Variants in ZZEF1 observed in about 807,000 individuals in gnomAD.
ZZEF1 encodes zinc finger ZZ-type and EF-hand domain-containing protein 1.
Under a neutral mutation model 342.8 loss-of-function variants are expected in ZZEF1, and 157 were observed. The observed-to-expected ratio is 0.46, with a 90% CI of 0.40 to 0.52. The LOEUF (loss-of-function observed/expected upper bound fraction) is 0.52, where lower values mean the gene tolerates loss of function less well. ZZEF1 is among the 20% of genes least tolerant of loss of function. The pLI is 0.00. For missense variants in ZZEF1, 3,480 were observed against 3,725.6 expected, an observed-to-expected ratio of 0.93 and a Z score of 1.72; for synonymous variants, 1,505 against 1,429.1, an observed-to-expected ratio of 1.05 and a Z score of -1.20.
In ZZEF1 at chr17:4,044,232, C is replaced by G; in HGVS notation, c.6158G>C (p.Gly2053Ala). The change falls in exon 38 of 55, where the codon GGA (glycine) becomes GCA (alanine). Residue 2053 changes from glycine (G) to alanine (A), a missense_variant. This residue lies in a region of ZZEF1 where 1,269 missense variants were observed against 1,342.4 expected (regional missense o/e 0.95). Coordinates refer to ENST00000381638, the MANE Select transcript of ZZEF1 (RefSeq NM_015113.4). ...DSPADASPPTGLPDAEDSEVS... is the reference protein window; with the variant it reads ...DSPADASPPTALPDAEDSEVS... ...GGTCAAATAGTCTTTACCTGGAAGT[C>G]CTGTAGGTGGGCTAGCATCTGCAGG... 2 of 1,613,796 alleles carry G rather than the reference C, an allele frequency of 1.2e-6. No homozygotes were observed. The highest frequency in any genetic ancestry group is 8.5e-7 in the Non-Finnish European group (1 of 1,179,892).
intron 26 of ZZEF1, 145 bp from the exon 27 acceptor site, chr17:4,067,387 G>C: frequency 2.0e-6 from 1 of 495,888 alleles, no homozygotes; most frequent in South Asian, 4.6e-5. Context: ...GAGACTCAGG[G>C]AAAAAAATAT....
At chr17:4,047,885 G>A (rs1195019330) in intron 37 of ZZEF1, among the ~76,000 whole-genome samples, 2 of 150,426 alleles carry the variant, frequency 1.3e-5, no homozygotes, top group Admixed American at 6.7e-5. Flanking sequence ...AGGTTGCAGT[G>A]AGCCAAGATC....
intron 17 of ZZEF1, 70 bp downstream of exon 17, chr17:4,082,367 G>A (rs990718043): frequency 2.0e-6 from 3 of 1,499,724 alleles, no homozygotes; most frequent in Non-Finnish European, 2.8e-6. Flanking sequence ...ATGAAAGGAA[G>A]GGCAAGCTCA....
intron 21 of ZZEF1, 140 bp downstream of exon 21, chr17:4,076,497 C>A: frequency 8.8e-7 from 1 of 1,134,492 alleles, no homozygotes; most frequent in Non-Finnish European, 1.2e-6. Context: ...CCCTTGTTGG[C>A]AAGCCCACTG....
At chr17:4,060,584 A>AAC (rs2057264900) in intron 30 of ZZEF1, among the ~76,000 whole-genome samples, 4 of 133,718 alleles carry the variant, frequency 3.0e-5, no homozygotes, top group East Asian at 4.3e-4. Flanking sequence ...ACAACAACAA[A>AAC]AAACAAACAA....
chr17:4,081,566 C>A (rs996463391), intron 17 of ZZEF1, 76 bp from the exon 18 acceptor site: 13 of 1,265,806 alleles, frequency 1.0e-5, no homozygotes, highest in Admixed American at 2.0e-5. Context: ...GATTCCAAAA[C>A]AGAGCGCAGA....
rs753625434 is a variant in ZZEF1 at position 4,102,402 on chromosome 17, C to A, written c.1587G>T (p.Gln529His). The part of the protein sequence containing the change: ...NLLLKYGKPL[Q>H]LTLQACDVKG... ...TGACATCACATGCCTGAAGAGTCAA[C>A]TGGAGAGGTTTACCTGACCAAAGAA... Residue 529 changes from glutamine (Q) to histidine (H), a missense_variant, in exon 9 of 55, where the codon CAG (glutamine) becomes CAT (histidine). Gln to His is a conservative substitution (Grantham distance 24, BLOSUM62 0). This residue lies in a region of ZZEF1 where 1,528 missense variants were observed against 1,624.1 expected (regional missense o/e 0.94). Coordinates refer to ENST00000381638, the MANE Select transcript of ZZEF1 (RefSeq NM_015113.4). 4 of 1,613,502 alleles carry A rather than the reference C, an allele frequency of 2.5e-6. No individual in the cohort carries two copies. Among genetic ancestry groups the A allele is most frequent in the African/African-American group, 2.7e-5 (2 of 74,880 alleles).
intron 24 of ZZEF1, among the ~76,000 whole-genome samples, chr17:4,073,119 T>C (rs1424424056): frequency 6.6e-6 from 1 of 152,216 alleles, no homozygotes; most frequent in African/African-American, 2.4e-5. Flanking sequence ...CTTAATTCTG[T>C]AGCAAATAAT....
Position 4,050,879 on chromosome 17 carries a change from T to C in ZZEF1, c.5765A>G (p.Glu1922Gly), listed in dbSNP as rs766776937. Residue 1922 changes from glutamate (E) to glycine (G), a missense_variant, in exon 36 of 55, where the codon GAG (glutamate) becomes GGG (glycine). Physicochemically the swap from Glu to Gly is moderately conservative, Grantham distance 98. This residue lies in a region of ZZEF1 where 1,269 missense variants were observed against 1,342.4 expected (regional missense o/e 0.95). Coordinates refer to ENST00000381638, the MANE Select transcript of ZZEF1 (RefSeq NM_015113.4). Reference sequence around the variant, plus strand: ...GCTGCGCGTCTGGGGGTCCAGCTTCTCCCCATCCACATCCTCTGCACTGGC... The same window carrying C: ...GCTGCGCGTCTGGGGGTCCAGCTTCCCCCCATCCACATCCTCTGCACTGGC... ...HLASAEDVDGEKLDPQTRSSA... is the reference protein window; with the variant it reads ...HLASAEDVDGGKLDPQTRSSA... 1 of 1,614,126 alleles carries C rather than the reference T, an allele frequency of 6.2e-7. No individual in the cohort carries two copies. Among genetic ancestry groups the C allele is most frequent in the Admixed American group, 1.7e-5 (1 of 60,006 alleles).
At chr17:4,122,230 C>T (rs1277041604) in intron 2 of ZZEF1, among the ~76,000 whole-genome samples, 1 of 152,088 alleles carries the variant, frequency 6.6e-6, no homozygotes, top group Non-Finnish European at 1.5e-5. Context: ...TAAACCAAGA[C>T]CGAAAGGAAA....
At chr17:4,050,250 C>T (rs557872088) in intron 36 of ZZEF1, among the ~76,000 whole-genome samples, 3 of 152,242 alleles carry the variant, frequency 2.0e-5, no homozygotes, top group Non-Finnish European at 4.4e-5. Flanking sequence ...CTATCTCATA[C>T]AGGCCTGGTT....
At chr17:4,063,004 T>C in intron 29 of ZZEF1, 87 bp from the exon 30 acceptor site, 1 of 1,359,658 alleles carries the variant, frequency 7.4e-7, no homozygotes, top group Non-Finnish European at 9.9e-7. Context: ...CCTGATGCCA[T>C]ATATCAAAGA....
Position 4,014,071 on chromosome 17 carries a change from C to T in ZZEF1, c.8413+19G>A. The T allele has an allele frequency of 1.2e-6, 2 of 1,612,812 alleles. No homozygotes were observed. The highest frequency in any genetic ancestry group is 1.7e-6 in the Non-Finnish European group (2 of 1,178,974). On this transcript the variant is annotated intron_variant, in intron 51 of 54. Coordinates refer to ENST00000381638, the MANE Select transcript of ZZEF1 (RefSeq NM_015113.4). The surrounding 1 kb of genome is among the most constrained non-coding windows in gnomAD (Gnocchi z 4.4). Reference sequence around the variant, plus strand: ...CCCTGGCAGGCAGATGGTGTGAACGCAAAGCCCAGAGCACACACCTGTCTG... The same window carrying T: ...CCCTGGCAGGCAGATGGTGTGAACGTAAAGCCCAGAGCACACACCTGTCTG...
At chr17:4,115,625 T>C (rs2058381926) in intron 3 of ZZEF1, among the ~76,000 whole-genome samples, 1 of 151,754 alleles carries the variant, frequency 6.6e-6, no homozygotes, top group Non-Finnish European at 1.5e-5. Flanking sequence ...ATCACACCAC[T>C]GCACACCAGC....
At chr17:4,051,667 C>T (rs1036226415) in intron 35 of ZZEF1, among the ~76,000 whole-genome samples, 1 of 151,346 alleles carries the variant, frequency 6.6e-6, no homozygotes, top group South Asian at 2.1e-4. Context: ...GAGTTCGCCT[C>T]GGCCTCTGAA....
chr17:4,022,944 T>G (rs1258675866), intron 43 of ZZEF1, 116 bp from the exon 44 acceptor site: 1 of 1,373,188 alleles, frequency 7.3e-7, no homozygotes, highest in East Asian at 2.4e-5. Flanking sequence ...CAACACATAC[T>G]TTTGAATGAA....
chr17:4,051,092 G>C (rs762002324), intron 35 of ZZEF1, 49 bp from the exon 36 acceptor site: 1 of 1,613,562 alleles, frequency 6.2e-7, no homozygotes, highest in African/African-American at 1.3e-5. Flanking sequence ...AAAAGCTTTT[G>C]TGGCTCCAAA....
rs759744967 is a variant in ZZEF1 at position 4,032,835 on chromosome 17, A to G, written c.6752T>C (p.Phe2251Ser). The change falls in exon 41 of 55, where the codon TTC becomes TCC. Residue 2251 changes from phenylalanine to serine, a missense_variant. Physicochemically the swap from Phe to Ser is radical, Grantham distance 155 (BLOSUM62 -2). Coordinates refer to ENST00000381638, the MANE Select transcript of ZZEF1 (RefSeq NM_015113.4). ...GCCTTCAGAGTGTGGTACCTGGGGG[A>G]AGCCAACCAGCACGAGCAGGGTGAA... is the stretch of plus-strand genomic sequence containing the variant. Reference protein sequence around the residue: ...NIFTLLVLVGFPQVLCVGTRC... With the variant: ...NIFTLLVLVGSPQVLCVGTRC... 5.1e-5 allele frequency: 82 copies of G among 1,613,898 alleles called. No individual in the cohort carries two copies. Among genetic ancestry groups the G allele is most frequent in the Admixed American group, 1.7e-4 (10 of 60,008 alleles).
Position 4,034,107 on chromosome 17 carries a change from G to T in ZZEF1, c.6492C>A (p.His2164Gln), listed in dbSNP as rs1417208506. The T allele has an allele frequency of 1.9e-6, 3 of 1,614,108 alleles. No homozygotes were observed. Among genetic ancestry groups the T allele is most frequent in the Non-Finnish European group, 2.5e-6 (3 of 1,180,056 alleles). The change falls in exon 40 of 55, where the codon CAC (histidine) becomes CAA (glutamine). Residue 2164 changes from histidine (H) to glutamine (Q), a missense_variant. This residue lies in a region of ZZEF1 where 1,269 missense variants were observed against 1,342.4 expected (regional missense o/e 0.95). Coordinates refer to ENST00000381638, the MANE Select transcript of ZZEF1 (RefSeq NM_015113.4). ...AACTGTCCCCTGCAGCAAACAGGTT[G>T]TGTTTGGCTGAGAGGACTTTGATCA... is the stretch of plus-strand genomic sequence containing the variant. ...AAVIKVLSAKHNLFAAGDSSI... is the reference protein window; with the variant it reads ...AAVIKVLSAKQNLFAAGDSSI...
Sources: gnomAD v4.1 joint callset for allele counts (sites outside exome capture counted in the v4.1 genomes callset) on GRCh38, gnomAD v4.1.1 for gene constraint, gnomAD v4.1.1 regional missense constraint, Gnocchi (gnomAD v3.1) non-coding constraint, MANE v1.5 for transcripts, NCBI Gene and HGNC (gene_info 2026-07-23, HGNC 2026-07-21) for gene names.